ZC3H12C: variants seen among roughly 807,000 people sequenced by gnomAD.
The protein encoded by ZC3H12C is zinc finger CCCH-type containing 12C.
Under a neutral mutation model 76.3 loss-of-function variants are expected in ZC3H12C, and 20 were observed. That is an observed-to-expected ratio of 0.26 (90% CI 0.18 to 0.38). ZC3H12C has a LOEUF of 0.38. Ranked by LOEUF, ZC3H12C falls within the 10% of genes least tolerant of loss-of-function variation. The pLI is 1.00. For synonymous variants in ZC3H12C, 352 were observed against 399.6 expected (o/e 0.88, Z 1.42); for missense variants, 874 against 1,086.5 (o/e 0.80, Z 2.75).
intron 1 of ZC3H12C, among the ~76,000 whole-genome samples, chr11:110,118,188 C>T (rs1407094186): frequency 6.6e-6 from 1 of 150,598 alleles, no homozygotes; most frequent in Admixed American, 6.6e-5. Context: ...AGAAACAACA[C>T]AAAGTCACCC....
chr11:110,098,409 G>A (rs1056870117), intron 1 of ZC3H12C, among the ~76,000 whole-genome samples: 1 of 152,174 alleles, frequency 6.6e-6, no homozygotes, highest in South Asian at 2.1e-4. Flanking sequence ...AAAAGTTACA[G>A]TAAGAGTAAT....
At chr11:110,102,363 G>T (rs1861232788) in intron 1 of ZC3H12C, among the ~76,000 whole-genome samples, 1 of 151,258 alleles carries the variant, frequency 6.6e-6, no homozygotes, top group East Asian at 1.9e-4. Context: ...TGACTTTGAG[G>T]GCTTCAAGAC....
chr11:110,117,896 T>G, intron 1 of ZC3H12C, among the ~76,000 whole-genome samples: 1 of 111,874 alleles, frequency 8.9e-6, no homozygotes, highest in East Asian at 2.2e-4. Context: ...ATTATATATA[T>G]ACACACACAC....
rs1311877928 is a variant in ZC3H12C at position 110,165,240 on chromosome 11, T to G, written c.2155T>G (p.Ser719Ala). The change falls in exon 6 of 6, where the codon TCC becomes GCC. Residue 719 changes from serine (S) to alanine (A), a missense_variant. By Grantham distance (99) the Ser-to-Ala change is moderately conservative. Coordinates refer to ENST00000278590, the MANE Select transcript of ZC3H12C (RefSeq NM_033390.2). ...GCCGCACTCCGCTGTGGGCGCCCGGTCCAGCTGTCCTGGCGACTACCCCTC... is the reference window on the plus strand; with the variant it reads ...GCCGCACTCCGCTGTGGGCGCCCGGGCCAGCTGTCCTGGCGACTACCCCTC... ...HLPHSAVGAR[S>A]SCPGDYPSPP... 6.2e-7 allele frequency: 1 copy of G among 1,613,854 alleles called. No homozygotes were observed. Among genetic ancestry groups the G allele is most frequent in the Non-Finnish European group, 8.5e-7 (1 of 1,179,902 alleles).
At chr11:110,144,781 T>A (rs979229571) in intron 2 of ZC3H12C, among the ~76,000 whole-genome samples, 1 of 152,170 alleles carries the variant, frequency 6.6e-6, no homozygotes, top group African/African-American at 2.4e-5. Flanking sequence ...TTTTCTTCAC[T>A]GCCATATAAA....
chr11:110,148,627 T>A (rs694974), intron 2 of ZC3H12C, among the ~76,000 whole-genome samples: 1 of 152,084 alleles, frequency 6.6e-6, no homozygotes, highest in Non-Finnish European at 1.5e-5. Context: ...ACTTGAGATA[T>A]ACCAATCTTC....
chr11:110,137,963 A>C (rs1348460181), intron 2 of ZC3H12C, among the ~76,000 whole-genome samples: 1 of 152,082 alleles, frequency 6.6e-6, no homozygotes, highest in African/African-American at 2.4e-5. Context: ...TTTCAGTGAT[A>C]ATTTTTTTGG....
In ZC3H12C at chr11:110,166,844, G is replaced by A. The variant is rs898339821; in HGVS notation, c.*1107G>A. ...ATAGAGAAATGGTGATGGAGGAGTT[G>A]TAAATGGTAACTTAAAATTTTTGTA... On this transcript the variant is annotated 3_prime_UTR_variant, in exon 6 of 6. Transcript: ENST00000278590. The A allele has an allele frequency of 1.3e-5, 2 of 152,094 alleles. No individual in the cohort carries two copies. The highest frequency in any genetic ancestry group is 2.9e-5 in the Non-Finnish European group (2 of 68,008). The allele number at this position is 152,094 out of a possible 1,614,324, so 9.4% of individuals were successfully genotyped here. A position where few individuals can be genotyped will look rare whatever the true frequency, so the allele number is the denominator to read the frequency against.
chr11:110,132,820 C>T (rs141748896), intron 1 of ZC3H12C, among the ~76,000 whole-genome samples: 8 of 152,076 alleles, frequency 5.3e-5, no homozygotes, highest in East Asian at 3.9e-4. Flanking sequence ...TATGAGTTTA[C>T]GTTTTAGTAA....
intron 2 of ZC3H12C, among the ~76,000 whole-genome samples, chr11:110,143,802 C>T (rs1217711878): frequency 2.0e-5 from 3 of 152,238 alleles, no homozygotes; most frequent in African/African-American, 4.8e-5. Context: ...GGATTACAGG[C>T]GTGAGCCACC....
At chr11:110,112,993 C>T (rs938121466) in intron 1 of ZC3H12C, among the ~76,000 whole-genome samples, 2 of 76,406 alleles carry the variant, frequency 2.6e-5, no homozygotes, top group African/African-American at 1.0e-4. Context: ...TTCTTATCGC[C>T]CCCCCCTACC....
chr11:110,135,310 C>T (rs1482874274), intron 1 of ZC3H12C, among the ~76,000 whole-genome samples: 4 of 151,644 alleles, frequency 2.6e-5, no homozygotes, highest in African/African-American at 4.8e-5. Flanking sequence ...GCCAACGTGG[C>T]GAAACTTTGT....
chr11:110,093,590 C>T (rs1316867729), intron 1 of ZC3H12C, among the ~76,000 whole-genome samples, 158 bp downstream of exon 1: 2 of 151,636 alleles, frequency 1.3e-5, no homozygotes, highest in Admixed American at 6.6e-5. Flanking sequence ...CCAGGCGGGT[C>T]GGGCTCCGGA....
intron 1 of ZC3H12C, among the ~76,000 whole-genome samples, chr11:110,104,396 T>C (rs1288796274): frequency 1.3e-5 from 2 of 152,134 alleles, no homozygotes; most frequent in East Asian, 3.8e-4. Flanking sequence ...TGTTAGTGAT[T>C]TGGGGTCTTG....
chr11:110,112,811 C>T (rs545028709), intron 1 of ZC3H12C, among the ~76,000 whole-genome samples: 1 of 152,252 alleles, frequency 6.6e-6, no homozygotes, highest in Admixed American at 6.5e-5. Flanking sequence ...CCAATGGTTG[C>T]CTGACTGAAC....
At chr11:110,149,947 T>A (rs965538827) in intron 2 of ZC3H12C, among the ~76,000 whole-genome samples, 2 of 152,178 alleles carry the variant, frequency 1.3e-5, no homozygotes, top group Admixed American at 1.3e-4. Flanking sequence ...TATCCTGATG[T>A]GAATTCTCTG....
chr11:110,159,132 T>G, intron 3 of ZC3H12C, 124 bp from the exon 4 acceptor site: 2 of 694,736 alleles, frequency 2.9e-6, no homozygotes, highest in Non-Finnish European at 4.8e-6. Context: ...AATTAAATCA[T>G]AATCCCTAAT....
At position 110,115,485 on chromosome 11, in the gene ZC3H12C, T is replaced by A. The variant is rs145814317; in HGVS notation, c.22-21178T>A. ...ACTTGGGTAAGTTTTATATTTTTAG[T>A]AGAGATGGGGTTTTGACACATTGGC... is the stretch of plus-strand genomic sequence containing the variant. On this transcript the variant is annotated intron_variant, in intron 1 of 5. Coordinates refer to ENST00000278590, the MANE Select transcript of ZC3H12C (RefSeq NM_033390.2). Among the ~76,000 whole-genome samples, 407 of 152,084 alleles carry A rather than the reference T, an allele frequency of 2.7e-3. 5 individuals are homozygous for A. The highest frequency in any genetic ancestry group is 8.9e-3 in the African/African-American group (368 of 41,506).
intron 2 of ZC3H12C, among the ~76,000 whole-genome samples, chr11:110,149,746 A>G (rs1190451884): frequency 6.6e-6 from 1 of 152,192 alleles, no homozygotes; most frequent in Non-Finnish European, 1.5e-5. Flanking sequence ...TACCTCTTTT[A>G]ATATACGAGA....
Sources: allele counts gnomAD v4.1 joint callset (sites outside exome capture counted in the v4.1 genomes callset), GRCh38; gene constraint gnomAD v4.1.1; transcripts MANE v1.5; gene names NCBI Gene and HGNC (gene_info 2026-07-23, HGNC 2026-07-21).